Variants in LRRC20 observed in about 807,000 individuals in gnomAD.
LRRC20 encodes the protein leucine-rich repeat-containing protein 20.
Under a neutral mutation model 14.4 loss-of-function variants are expected in LRRC20, and 11 were observed. That is an observed-to-expected ratio of 0.77 (90% CI 0.48 to 1.27). The LOEUF (loss-of-function observed/expected upper bound fraction) is 1.27. LRRC20 is among the 50% of genes most tolerant of loss of function. The probability of loss-of-function intolerance (pLI) is 0.00; values close to 1 mark genes in which losing one functional copy is unlikely to be tolerated. For synonymous variants in LRRC20, 121 were observed against 107.3 expected (o/e 1.13, Z -0.79); for missense variants, 219 against 251.2 (o/e 0.87, Z 0.87).
chr10:70,365,135 C>T (rs990104009), intron 2 of LRRC20, among the ~76,000 whole-genome samples: 15 of 146,004 alleles, frequency 1.0e-4, no homozygotes, highest in Non-Finnish European at 1.9e-4. Flanking sequence ...TCTCAGCTCA[C>T]TGCAACCTCC....
chr10:70,355,456 T>C (rs1843483286), intron 2 of LRRC20, among the ~76,000 whole-genome samples: 1 of 152,006 alleles, frequency 6.6e-6, no homozygotes, highest in Non-Finnish European at 1.5e-5. Context: ...GAGGACCACA[T>C]ACGTCCAGAA....
intron 2 of LRRC20, 53 bp from the exon 3 acceptor site, chr10:70,340,755 AACTTGTCCCAG>A: frequency 6.3e-7 from 1 of 1,597,982 alleles, no homozygotes; most frequent in Middle Eastern, 1.7e-4. Context: ...GCTGCCCGAG[AACTTGTCCCAG>A]ACTCACACAG....
intron 4 of LRRC20, among the ~76,000 whole-genome samples, chr10:70,321,591 T>C (rs1387691740): frequency 6.6e-6 from 1 of 152,156 alleles, no homozygotes; most frequent in Non-Finnish European, 1.5e-5. Context: ...CTGGGATCAG[T>C]CAAGCTCTTT....
intron 2 of LRRC20, among the ~76,000 whole-genome samples, chr10:70,369,842 G>A (rs1302946328): frequency 6.8e-6 from 1 of 146,456 alleles, no homozygotes; most frequent in African/African-American, 2.5e-5. Flanking sequence ...CACTTTGGGA[G>A]ACCGAAACAG....
At chr10:70,334,500 A>T (rs771166363) in intron 3 of LRRC20, among the ~76,000 whole-genome samples, 2 of 152,102 alleles carry the variant, frequency 1.3e-5, no homozygotes, top group Non-Finnish European at 2.9e-5. Context: ...ACTCCAGAAA[A>T]TAGTAACTCC....
chr10:70,349,054 T>G (rs1438006273), intron 2 of LRRC20, among the ~76,000 whole-genome samples: 3 of 152,214 alleles, frequency 2.0e-5, no homozygotes, highest in African/African-American at 7.2e-5. Flanking sequence ...AGATCCAGGC[T>G]GCAGACAGGA....
Position 70,340,571 on chromosome 10 carries a change from T to C in LRRC20, c.214A>G (p.Thr72Ala). The C allele has an allele frequency of 6.2e-7, 1 of 1,614,180 alleles. No homozygotes were observed. The highest frequency in any genetic ancestry group is 1.7e-5 in the Admixed American group (1 of 60,030). The change falls in exon 3 of 5, where the codon ACA (threonine) becomes GCA (alanine). Residue 72 changes from threonine to alanine, a missense_variant. Thr to Ala is a moderately conservative substitution (Grantham distance 58, BLOSUM62 0). Transcript: ENST00000446961. ...LKSLTSKFMT[T>A]FSQLRELHLE... ...GGCCTACCTCGGAGCTGACTGAATG[T>C]GGTCATGAACTTGCTGGTGAGGGAC...
intron 2 of LRRC20, among the ~76,000 whole-genome samples, chr10:70,354,839 C>G (rs1383234405): frequency 3.9e-5 from 6 of 152,188 alleles, no homozygotes; most frequent in Admixed American, 3.9e-4. Flanking sequence ...CTCAGAGGCA[C>G]ACGTGACCCT....
intron 3 of LRRC20, among the ~76,000 whole-genome samples, chr10:70,328,283 CTTTGTTT>C (rs10549283): frequency 0.54 from 81,861 of 150,586 alleles, 22,330 homozygotes; most frequent in African/African-American, 0.59. Context: ...AAAGGGTAAT[CTTTGTTT>C]TTTGTTTTTT....
chr10:70,341,407 C>T (rs1842907910), intron 2 of LRRC20, among the ~76,000 whole-genome samples: 1 of 152,226 alleles, frequency 6.6e-6, no homozygotes, highest in Non-Finnish European at 1.5e-5. Context: ...CCCAAATGTC[C>T]ACCAACTGGG....
intron 3 of LRRC20, among the ~76,000 whole-genome samples, chr10:70,334,435 G>A (rs377479808): frequency 1.3e-5 from 2 of 152,056 alleles, no homozygotes; most frequent in South Asian, 2.1e-4. Context: ...CTTGCTCCCC[G>A]GGTTTGGAAA....
intron 4 of LRRC20, among the ~76,000 whole-genome samples, chr10:70,322,076 T>C (rs1842103269): frequency 6.6e-6 from 1 of 152,210 alleles, no homozygotes; most frequent in African/African-American, 2.4e-5. Context: ...TGCAAGTCAC[T>C]TCTTGGACTG....
chr10:70,350,193 G>C (rs1170776612), intron 2 of LRRC20, among the ~76,000 whole-genome samples: 4 of 152,312 alleles, frequency 2.6e-5, no homozygotes, highest in African/African-American at 9.6e-5. Context: ...GCAATGCCAG[G>C]CTCCTCCAGC....
chr10:70,304,926 G>A (rs10999257), intron 4 of LRRC20, among the ~76,000 whole-genome samples: 7,033 of 152,144 alleles, frequency 0.046, 200 homozygotes, highest in East Asian at 0.097. Flanking sequence ...GGCTCACACC[G>A]GTAATCCCAG....
intron 2 of LRRC20, among the ~76,000 whole-genome samples, chr10:70,366,986 G>A (rs575426552): frequency 1.7e-4 from 26 of 152,214 alleles, no homozygotes; most frequent in African/African-American, 6.3e-4. Flanking sequence ...AGGGACAACT[G>A]TACAACCCAG....
chr10:70,316,377 C>T (rs1841860004), intron 4 of LRRC20, among the ~76,000 whole-genome samples: 1 of 152,252 alleles, frequency 6.6e-6, no homozygotes, highest in Non-Finnish European at 1.5e-5. Flanking sequence ...AAGTGATCCA[C>T]CTACCTCAGC....
intron 2 of LRRC20, among the ~76,000 whole-genome samples, chr10:70,372,667 C>T (rs1168120258): frequency 6.6e-6 from 1 of 151,988 alleles, no homozygotes; most frequent in African/African-American, 2.4e-5. Context: ...TGGTTTCGAT[C>T]TCCTGACCTT....
At chr10:70,339,462 G>C (rs1169221418) in intron 3 of LRRC20, among the ~76,000 whole-genome samples, 2 of 152,268 alleles carry the variant, frequency 1.3e-5, no homozygotes, top group Admixed American at 6.5e-5. Flanking sequence ...AGGCAGGTGA[G>C]AGCGCAAGGA....
chr10:70,323,393 G>A (rs2136947129), intron 4 of LRRC20, among the ~76,000 whole-genome samples: 1 of 152,302 alleles, frequency 6.6e-6, no homozygotes, highest in South Asian at 2.1e-4. Context: ...GGCAGGCTGG[G>A]CTGACAGGGA....
Sources: allele counts gnomAD v4.1 joint callset (sites outside exome capture counted in the v4.1 genomes callset), GRCh38; gene constraint gnomAD v4.1.1; transcripts MANE v1.5; gene names NCBI Gene and HGNC (gene_info 2026-07-23, HGNC 2026-07-21).